NEK10: variants seen among roughly 807,000 people sequenced by gnomAD.
NEK10 encodes the protein NIMA related kinase 10, also known as serine/threonine-protein kinase Nek10.
A neutral mutation model predicts 159.8 loss-of-function variants in NEK10; 122 were observed. The ratio of observed to expected loss-of-function variants is 0.76; its 90% CI spans 0.66 to 0.89. The LOEUF is 0.89. NEK10 is among the 40% of genes least tolerant of loss of function. NEK10 has a pLI of 0.00. For missense variants in NEK10, 1,342 were observed against 1,323.1 expected, an observed-to-expected ratio of 1.01 and a Z score of -0.22; for synonymous variants, 466 against 457.1, an observed-to-expected ratio of 1.02 and a Z score of -0.25.
At chr3:27,190,588 G>T (rs1949020869) in intron 26 of NEK10, among the ~76,000 whole-genome samples, 1 of 152,152 alleles carries the variant, frequency 6.6e-6, no homozygotes, top group South Asian at 2.1e-4. Flanking sequence ...CTGTTAGATT[G>T]TAAACTAATG....
Position 27,182,840 on chromosome 3 carries a change from C to A in NEK10, c.2506-8007G>T, listed in dbSNP as rs1030896341. Among the ~76,000 whole-genome samples the A allele has an allele frequency of 8.6e-5, 13 of 151,856 alleles. 1 individual carries two copies. Among genetic ancestry groups the A allele is most frequent in the Admixed American group, 7.9e-4 (12 of 15,238 alleles). ...TAAGCCAGGCACAGAAAGAGAAATA[C>A]AAAATGTTCCTACTTATACGTGGGA... is the stretch of plus-strand genomic sequence containing the variant. On this transcript the variant is annotated intron_variant, in intron 26 of 35. Coordinates refer to ENST00000691995, the MANE Select transcript of NEK10 (RefSeq NM_001394966.1).
In NEK10 at chr3:27,209,746, G is replaced by A. The variant is rs138927363; in HGVS notation, c.2091-7189C>T. On this transcript the variant is annotated intron_variant, in intron 23 of 35. Transcript: ENST00000691995. ...CCTCTTATTAGGTCACCTAGCTCCT[G>A]TGGATTGTGTTTAGGGACATGCATG... Among the ~76,000 whole-genome samples, 63 of 152,296 alleles carry A rather than the reference G, an allele frequency of 4.1e-4. No homozygotes were observed. The East Asian group carries it at 0.011, about 28-fold the overall frequency.
chr3:27,218,333 G>A (rs977906056), intron 23 of NEK10, among the ~76,000 whole-genome samples: 7 of 152,168 alleles, frequency 4.6e-5, no homozygotes, highest in African/African-American at 7.2e-5. Flanking sequence ...TGGGCTGGGC[G>A]CAGTGGCTCA....
intron 3 of NEK10, 134 bp downstream of exon 3, chr3:27,352,331 A>G: frequency 4.4e-6 from 3 of 676,214 alleles, no homozygotes. Flanking sequence ...AAACAGCCAG[A>G]TGAAGAAAGA....
At chr3:27,214,037 G>C (rs777846082) in intron 23 of NEK10, among the ~76,000 whole-genome samples, 2 of 152,110 alleles carry the variant, frequency 1.3e-5, no homozygotes, top group Non-Finnish European at 2.9e-5. Context: ...TAAGAACCTT[G>C]GTCTCCACAA....
intron 22 of NEK10, chr3:27,278,803 T>C (rs1423182289): frequency 1.0e-6 from 1 of 985,328 alleles, no homozygotes; most frequent in Non-Finnish European, 1.2e-6. Flanking sequence ...AGTTCAGTTT[T>C]ACCAAATTCC....
At chr3:27,357,194 A>C (rs959141798) in intron 1 of NEK10, among the ~76,000 whole-genome samples, 2 of 152,154 alleles carry the variant, frequency 1.3e-5, no homozygotes, top group Non-Finnish European at 2.9e-5. Context: ...TTGCCTTATT[A>C]CCACAGAAGG....
At chr3:27,222,159 GGTCAAGA>G (rs1559638680) in intron 23 of NEK10, among the ~76,000 whole-genome samples, 18 of 152,234 alleles carry the variant, frequency 1.2e-4, no homozygotes, top group East Asian at 7.7e-4. Flanking sequence ...GATCACCTGA[GGTCAAGA>G]GTTCAAGACC....
intron 22 of NEK10, among the ~76,000 whole-genome samples, chr3:27,274,278 A>G (rs1288199718): frequency 6.6e-6 from 1 of 150,854 alleles, no homozygotes; most frequent in African/African-American, 2.5e-5. Flanking sequence ...GATGACACAG[A>G]GCTTCATGAT....
intron 1 of NEK10, among the ~76,000 whole-genome samples, chr3:27,354,792 T>C (rs540358340): frequency 2.6e-5 from 4 of 152,150 alleles, no homozygotes; most frequent in East Asian, 1.9e-4. Flanking sequence ...TCTAAGCCCA[T>C]GGAGGAATGC....
At chr3:27,330,006 C>T (rs1170201159) in intron 5 of NEK10, among the ~76,000 whole-genome samples, 2 of 152,112 alleles carry the variant, frequency 1.3e-5, no homozygotes, top group Admixed American at 1.3e-4. Flanking sequence ...TCTTAGATTA[C>T]TCATAATACC....
chr3:27,180,343 C>CAAG (rs1223541278), intron 26 of NEK10, among the ~76,000 whole-genome samples: 1 of 141,238 alleles, frequency 7.1e-6, no homozygotes, highest in Non-Finnish European at 1.5e-5. Context: ...TGCAGTGAGC[C>CAAG]AAGATCACAC....
At chr3:27,295,153 C>A (rs1031162436) in intron 15 of NEK10, among the ~76,000 whole-genome samples, 1 of 152,196 alleles carries the variant, frequency 6.6e-6, no homozygotes, top group African/African-American at 2.4e-5. Context: ...ACACTCTAAG[C>A]TCACAGCTTT....
At chr3:27,335,975 C>G (rs1474996187) in intron 5 of NEK10, among the ~76,000 whole-genome samples, 2 of 151,810 alleles carry the variant, frequency 1.3e-5, no homozygotes, top group Non-Finnish European at 2.9e-5. Flanking sequence ...ACAAACCAAA[C>G]CCCAAATTAG....
Position 27,202,496 on chromosome 3 carries a change from T to C in NEK10, c.2152A>G (p.Ile718Val). The change falls in exon 24 of 36, where the codon ATC becomes GTC. Residue 718 changes from isoleucine (I) to valine (V), a missense_variant. By Grantham distance (29) the Ile-to-Val change is conservative. Coordinates refer to ENST00000691995, the MANE Select transcript of NEK10 (RefSeq NM_001394966.1). ...CTCAAAGTCGCCATCTGATAAAGGA[T>C]GCAGCCTACTGCCCAGACATCAGCC... ...EKADVWAVGC[I>V]LYQMATLSPP... The C allele has an allele frequency of 1.2e-6, 2 of 1,613,396 alleles. No homozygotes were observed. The highest frequency in any genetic ancestry group is 1.7e-6 in the Non-Finnish European group (2 of 1,179,602).
chr3:27,178,934 GT>G (rs1947791924), intron 26 of NEK10, among the ~76,000 whole-genome samples: 1 of 152,132 alleles, frequency 6.6e-6, no homozygotes, highest in African/African-American at 2.4e-5. Flanking sequence ...CTGAAAGTTA[GT>G]TTTTGTTTGT....
intron 5 of NEK10, among the ~76,000 whole-genome samples, chr3:27,341,232 G>A (rs915260519): frequency 5.3e-5 from 8 of 152,130 alleles, no homozygotes; most frequent in African/African-American, 1.9e-4. Flanking sequence ...TAAACAGGTA[G>A]GTTAACGGGT....
intron 31 of NEK10, among the ~76,000 whole-genome samples, chr3:27,133,704 G>A (rs773456505): frequency 1.2e-4 from 19 of 152,226 alleles, no homozygotes; most frequent in Non-Finnish European, 2.4e-4. Flanking sequence ...AACCCCGGAG[G>A]TGGAGGTTGT....
chr3:27,191,888 T>C (rs761424996), intron 26 of NEK10, 141 bp downstream of exon 26: 15 of 634,784 alleles, frequency 2.4e-5, no homozygotes, highest in Non-Finnish European at 4.2e-5. Context: ...CAGAAATGGA[T>C]ATAAATATGT....
Sources: allele counts gnomAD v4.1 joint callset (sites outside exome capture counted in the v4.1 genomes callset), GRCh38; gene constraint gnomAD v4.1.1; transcripts MANE v1.5; gene names NCBI Gene and HGNC (gene_info 2026-07-23, HGNC 2026-07-21).